ANXA4: variants seen among roughly 807,000 people sequenced by gnomAD.
The protein encoded by ANXA4 is 35-beta calcimedin.
A neutral mutation model predicts 49.8 loss-of-function variants in ANXA4; 39 were observed. The ratio of observed to expected loss-of-function variants is 0.78; its 90% CI spans 0.61 to 1.02. The LOEUF is 1.02. ANXA4 is among the 50% of genes least tolerant of loss of function. ANXA4 has a pLI of 0.00. For missense variants in ANXA4, 360 were observed against 410.1 expected, an observed-to-expected ratio of 0.88 and a Z score of 1.05; for synonymous variants, 134 against 152.5, an observed-to-expected ratio of 0.88 and a Z score of 0.89.
chr2:69,757,572 CTT>C (rs1671113985), intron 1 of ANXA4, among the ~76,000 whole-genome samples: 1 of 151,442 alleles, frequency 6.6e-6, no homozygotes, highest in South Asian at 2.1e-4. Context: ...CATGCCCAGC[CTT>C]TTCTGTTATA....
intron 1 of ANXA4, among the ~76,000 whole-genome samples, chr2:69,648,071 G>A (rs1676078971): frequency 6.6e-6 from 1 of 152,212 alleles, no homozygotes; most frequent in South Asian, 2.1e-4. Flanking sequence ...CCAGTGTGCT[G>A]TATCTTTGAG....
At chr2:69,745,306 GCT>G (rs1210213297) in intron 1 of ANXA4, among the ~76,000 whole-genome samples, 1 of 152,130 alleles carries the variant, frequency 6.6e-6, no homozygotes, top group African/African-American at 2.4e-5. Context: ...GTTGGCGAGA[GCT>G]CTGTCACTAC....
chr2:69,781,388 T>C, intron 1 of ANXA4, 132 bp from the exon 2 acceptor site: 1 of 707,370 alleles, frequency 1.4e-6, no homozygotes, highest in South Asian at 1.7e-5. Context: ...GGCTAATCAG[T>C]AACTGGCCTT....
At chr2:69,652,641 G>A (rs115923356) in intron 1 of ANXA4, among the ~76,000 whole-genome samples, 3,368 of 152,094 alleles carry the variant, frequency 0.022, 125 homozygotes, top group African/African-American at 0.075. Flanking sequence ...GGCAGATCAC[G>A]TGAGGTCAGG....
chr2:69,776,164 T>G (rs566065879), intron 1 of ANXA4, among the ~76,000 whole-genome samples: 13 of 151,906 alleles, frequency 8.6e-5, no homozygotes, highest in Admixed American at 6.6e-4. Context: ...TTATTAGAGA[T>G]AGGGTTTCAC....
intron 2 of ANXA4, among the ~76,000 whole-genome samples, chr2:69,674,585 A>G (rs1378111567): frequency 1.3e-5 from 2 of 151,310 alleles, no homozygotes; most frequent in African/African-American, 4.8e-5. Context: ...ACATGTACCT[A>G]ATGTATAGAA....
At chr2:69,656,476 C>T (rs1443184526) in intron 2 of ANXA4, among the ~76,000 whole-genome samples, 4 of 146,558 alleles carry the variant, frequency 2.7e-5, no homozygotes, top group Non-Finnish European at 6.0e-5. Flanking sequence ...CTACTGAATA[C>T]AGTATTGACC....
At chr2:69,736,051 G>A (rs994042319) in intron 3 of ANXA4, among the ~76,000 whole-genome samples, 10 of 152,184 alleles carry the variant, frequency 6.6e-5, no homozygotes, top group African/African-American at 1.9e-4. Context: ...AAAGGCACAT[G>A]TTCTGAGCAA....
intron 3 of ANXA4, among the ~76,000 whole-genome samples, chr2:69,727,659 A>C (rs938347181): frequency 6.6e-6 from 1 of 152,224 alleles, no homozygotes; most frequent in African/African-American, 2.4e-5. Context: ...ATTTTGAGAT[A>C]ATTTTAGACC....
intron 2 of ANXA4, among the ~76,000 whole-genome samples, chr2:69,716,275 C>T (rs1669616594): frequency 6.6e-6 from 1 of 152,116 alleles, no homozygotes; most frequent in South Asian, 2.1e-4. Context: ...CCCCTTTTAA[C>T]TGAAGCTAGT....
chr2:69,717,743 G>C (rs531309811), intron 2 of ANXA4, among the ~76,000 whole-genome samples: 1 of 152,270 alleles, frequency 6.6e-6, no homozygotes, highest in Admixed American at 6.5e-5. Flanking sequence ...GATGCCCTGA[G>C]CCTTCCTGAT....
chr2:69,751,507 C>CA (rs71397349), intron 1 of ANXA4, among the ~76,000 whole-genome samples: 21,047 of 96,702 alleles, frequency 0.22, 2,247 homozygotes, highest in East Asian at 0.33. Flanking sequence ...GACCCTGTCT[C>CA]AAAAAAAAAA....
At chr2:69,661,719 G>A (rs555462853) in intron 2 of ANXA4, among the ~76,000 whole-genome samples, 196 of 152,268 alleles carry the variant, frequency 1.3e-3, no homozygotes, top group Middle Eastern at 3.4e-3. Flanking sequence ...AAACCAAGAA[G>A]CAACATGACA....
intron 8 of ANXA4, among the ~76,000 whole-genome samples, chr2:69,813,758 C>CTCTT (rs1294748742): frequency 3.7e-5 from 3 of 82,028 alleles, no homozygotes; most frequent in African/African-American, 1.2e-4. Context: ...CTCTCTCTCT[C>CTCTT]TTTTTTTTTT....
chr2:69,648,707 C>G (rs1676100629), intron 1 of ANXA4, among the ~76,000 whole-genome samples: 2 of 151,132 alleles, frequency 1.3e-5, no homozygotes, highest in Admixed American at 1.3e-4. Context: ...ACCTGTAATA[C>G]CAGCTCGGGA....
chr2:69,662,992 C>CTTTTTTTT (rs746269236), intron 2 of ANXA4, among the ~76,000 whole-genome samples: 66 of 123,164 alleles, frequency 5.4e-4, no homozygotes, highest in East Asian at 4.4e-3. Context: ...TTTTCTTTTT[C>CTTTTTTTT]TTTTTTTTTT....
At chr2:69,818,794 GTTGT>G (rs1393628319) in intron 10 of ANXA4, 100 bp downstream of exon 10, 1 of 746,918 alleles carries the variant, frequency 1.3e-6, no homozygotes, top group African/African-American at 1.8e-5. Context: ...AGAGATAAAA[GTTGT>G]TTATCATGAA....
At chr2:69,757,958 CAAAA>C (rs11296004) in intron 1 of ANXA4, among the ~76,000 whole-genome samples, 9 of 95,124 alleles carry the variant, frequency 9.5e-5, no homozygotes, top group Admixed American at 2.1e-4. Flanking sequence ...GACTTTGTCT[CAAAA>C]AAAAAAAAAA....
At chr2:69,763,819 C>T (rs190260211) in intron 1 of ANXA4, among the ~76,000 whole-genome samples, 2 of 152,070 alleles carry the variant, frequency 1.3e-5, no homozygotes, top group Admixed American at 1.3e-4. Flanking sequence ...TGCGCCACCA[C>T]GCCTGGCTAA....
Sources: gnomAD v4.1 joint callset for allele counts (sites outside exome capture counted in the v4.1 genomes callset) on GRCh38, gnomAD v4.1.1 for gene constraint, MANE v1.5 for transcripts, NCBI Gene and HGNC (gene_info 2026-07-23, HGNC 2026-07-21) for gene names.